PTPRM: variants seen among roughly 807,000 people sequenced by gnomAD.
PTPRM encodes receptor-type tyrosine-protein phosphatase mu.
In PTPRM, 47 loss-of-function variants were observed where a neutral mutation model predicts 186.7. That is an observed-to-expected ratio of 0.25 (90% CI 0.20 to 0.32). The LOEUF (loss-of-function observed/expected upper bound fraction) is 0.32, where lower values mean the gene tolerates loss of function less well. Ranked by LOEUF, PTPRM falls within the 10% of genes least tolerant of loss-of-function variation. The pLI is 1.00. For missense variants in PTPRM, 1,494 were observed against 1,865.0 expected (o/e 0.80, Z 3.66); for synonymous variants, 668 against 674.9 (o/e 0.99, Z 0.16).
intron 7 of PTPRM, among the ~76,000 whole-genome samples, chr18:8,063,052 C>T (rs1245617721): frequency 5.8e-4 from 87 of 151,232 alleles, no homozygotes; most frequent in African/African-American, 2.1e-3. Flanking sequence ...CGCCCCTCCC[C>T]CAGCCTCGCT....
At chr18:8,280,268 A>G (rs559833557) in intron 19 of PTPRM, among the ~76,000 whole-genome samples, 3 of 152,114 alleles carry the variant, frequency 2.0e-5, no homozygotes, top group Non-Finnish European at 4.4e-5. Context: ...AAAGGACACC[A>G]GTCATATTGG....
chr18:7,826,169 G>T (rs1055592593), intron 2 of PTPRM, among the ~76,000 whole-genome samples: 3 of 152,018 alleles, frequency 2.0e-5, no homozygotes, highest in African/African-American at 7.2e-5. Context: ...GTGTTACCTC[G>T]CAGAAAGCTA....
At chr18:8,154,211 G>A (rs192573521) in intron 14 of PTPRM, among the ~76,000 whole-genome samples, 3 of 152,268 alleles carry the variant, frequency 2.0e-5, no homozygotes, top group Non-Finnish European at 4.4e-5. Flanking sequence ...AAAGGAATGA[G>A]AGAGAGGGAA....
At chr18:7,637,186 A>AG (rs1230586798) in intron 1 of PTPRM, among the ~76,000 whole-genome samples, 1 of 151,310 alleles carries the variant, frequency 6.6e-6, no homozygotes, top group Non-Finnish European at 1.5e-5. Flanking sequence ...AAAAAAAAAA[A>AG]CAGTGTAATT....
chr18:8,217,276 C>T (rs994382185), intron 14 of PTPRM, among the ~76,000 whole-genome samples: 4 of 133,398 alleles, frequency 3.0e-5, no homozygotes, highest in Non-Finnish European at 6.6e-5. Context: ...TGAAGTCTTG[C>T]GCATAAGTCG....
At chr18:7,783,972 G>C (rs1221032269) in intron 2 of PTPRM, among the ~76,000 whole-genome samples, 1 of 150,842 alleles carries the variant, frequency 6.6e-6, no homozygotes, top group Non-Finnish European at 1.5e-5. Context: ...CCATCACTGT[G>C]CTAACCGGCA....
intron 19 of PTPRM, among the ~76,000 whole-genome samples, chr18:8,275,544 G>A (rs569959847): frequency 5.0e-4 from 76 of 152,276 alleles, no homozygotes; most frequent in African/African-American, 1.5e-3. Context: ...GCATGAATGC[G>A]GTCAGAAAGT....
chr18:8,238,437 T>C (rs1043044679), intron 14 of PTPRM, among the ~76,000 whole-genome samples: 3 of 152,156 alleles, frequency 2.0e-5, no homozygotes, highest in African/African-American at 7.2e-5. Context: ...GTTTTTTGTC[T>C]CTAGCGTTTC....
At chr18:7,614,688 A>G (rs1458655404) in intron 1 of PTPRM, among the ~76,000 whole-genome samples, 1 of 152,210 alleles carries the variant, frequency 6.6e-6, no homozygotes, top group African/African-American at 2.4e-5. Flanking sequence ...GTGGTTCAGT[A>G]TACTGTTCAT....
At chr18:7,987,615 G>C (rs1470574827) in intron 7 of PTPRM, among the ~76,000 whole-genome samples, 1 of 152,130 alleles carries the variant, frequency 6.6e-6, no homozygotes, top group Non-Finnish European at 1.5e-5. Context: ...AGACTCTCCA[G>C]GGCACAGCTG....
At chr18:7,949,411 TGTTA>T (rs1388667120) in intron 6 of PTPRM, 56 bp downstream of exon 6, 1 of 1,446,228 alleles carries the variant, frequency 6.9e-7, no homozygotes, top group African/African-American at 1.4e-5. Context: ...TGTTAGGTGT[TGTTA>T]GTTCATTATC....
At chr18:8,003,797 C>T (rs1312442288) in intron 7 of PTPRM, among the ~76,000 whole-genome samples, 1 of 152,238 alleles carries the variant, frequency 6.6e-6, no homozygotes, top group Non-Finnish European at 1.5e-5. Context: ...CTATTACATA[C>T]AAGCTGGCAT....
chr18:8,147,026 A>T (rs1401140416), intron 14 of PTPRM, among the ~76,000 whole-genome samples: 1 of 152,180 alleles, frequency 6.6e-6, no homozygotes, highest in Non-Finnish European at 1.5e-5. Context: ...TTTTGATACC[A>T]GTACCATGCT....
At chr18:8,247,350 T>C (rs1401269662) in intron 15 of PTPRM, among the ~76,000 whole-genome samples, 1 of 152,220 alleles carries the variant, frequency 6.6e-6, no homozygotes, top group Non-Finnish European at 1.5e-5. Flanking sequence ...GGAACACGCA[T>C]GGAGCACCAC....
At chr18:7,629,653 G>T (rs1260933852) in intron 1 of PTPRM, among the ~76,000 whole-genome samples, 1 of 152,142 alleles carries the variant, frequency 6.6e-6, no homozygotes, top group Non-Finnish European at 1.5e-5. Context: ...AGACATATAG[G>T]TGTGAGCCAG....
At chr18:7,994,399 C>T (rs1250850366) in intron 7 of PTPRM, among the ~76,000 whole-genome samples, 6 of 151,982 alleles carry the variant, frequency 3.9e-5, no homozygotes, top group Admixed American at 3.9e-4. Flanking sequence ...ACCAAACTTG[C>T]TTGCAGCATT....
intron 11 of PTPRM, 72 bp downstream of exon 11, chr18:8,088,923 G>C: frequency 8.6e-7 from 1 of 1,164,174 alleles, no homozygotes; most frequent in Non-Finnish European, 1.3e-6. Context: ...CCTCCAATGT[G>C]TTTTCTAGGG....
intron 14 of PTPRM, among the ~76,000 whole-genome samples, chr18:8,146,100 C>G (rs2092879537): frequency 6.8e-6 from 1 of 148,042 alleles, no homozygotes; most frequent in Non-Finnish European, 1.5e-5. Context: ...ATGATCCCAG[C>G]TCGCTGCAAC....
intron 1 of PTPRM, among the ~76,000 whole-genome samples, chr18:7,594,923 C>T (rs1232036004): frequency 6.6e-6 from 1 of 152,128 alleles, no homozygotes; most frequent in Non-Finnish European, 1.5e-5. Context: ...AAATGATCAT[C>T]CTCAAAGCCC....
Sources: allele counts gnomAD v4.1 joint callset (sites outside exome capture counted in the v4.1 genomes callset), GRCh38; gene constraint gnomAD v4.1.1; transcripts MANE v1.5; gene names NCBI Gene and HGNC (gene_info 2026-07-23, HGNC 2026-07-21).